ZNF787: variants seen among roughly 807,000 people sequenced by gnomAD.
ZNF787 encodes the protein TTF-I-interacting peptide 20.
Under a neutral mutation model 16.9 loss-of-function variants are expected in ZNF787, and 7 were observed. The ratio of observed to expected loss-of-function variants is 0.42; its 90% CI spans 0.24 to 0.78. The LOEUF (loss-of-function observed/expected upper bound fraction) is 0.78, where lower values mean the gene tolerates loss of function less well. ZNF787 is among the 30% of genes least tolerant of loss of function. The probability of loss-of-function intolerance (pLI) is 0.30; values close to 1 mark genes in which losing one functional copy is unlikely to be tolerated. For missense variants in ZNF787, 551 were observed against 589.3 expected (o/e 0.94, Z 0.67); for synonymous variants, 345 against 270.9 (o/e 1.27, Z -2.69).
At chr19:56,102,965 C>T (rs932360658) in intron 2 of ZNF787, 174 bp downstream of exon 2, 1 of 735,412 alleles carries the variant, frequency 1.4e-6, no homozygotes, top group Non-Finnish European at 2.4e-6. Flanking sequence ...ACTAGCCCTC[C>T]CTCTACAGCC....
At chr19:56,110,087 C>A (rs1164891174) in intron 1 of ZNF787, among the ~76,000 whole-genome samples, 2 of 152,144 alleles carry the variant, frequency 1.3e-5, no homozygotes, top group East Asian at 3.9e-4. Context: ...GTTGGCCGGG[C>A]ACGGTGGCTC....
At chr19:56,113,286 G>A (rs2123427407) in intron 1 of ZNF787, among the ~76,000 whole-genome samples, 1 of 152,228 alleles carries the variant, frequency 6.6e-6, no homozygotes, top group Non-Finnish European at 1.5e-5. Context: ...TGCTGGTGCG[G>A]GCGCCATAGG....
At chr19:56,112,878 T>TGGGGCCCCCC (rs2030021420) in intron 1 of ZNF787, among the ~76,000 whole-genome samples, 1 of 126,466 alleles carries the variant, frequency 7.9e-6, no homozygotes, top group Non-Finnish European at 1.6e-5. Flanking sequence ...GACCAGCCGT[T>TGGGGCCCCCC]CCCCCCACCC....
At position 56,103,177 on chromosome 19, in the gene ZNF787, T is replaced by C. The variant is rs1483382832; in HGVS notation, c.41A>G (p.Asp14Gly). Reference sequence around the variant, plus strand: ...ACTGGCCATCTGCTGGTCCTCAGAATCCAGCGGCCCCGGAGACCAGGCTTC... The same window carrying C: ...ACTGGCCATCTGCTGGTCCTCAGAACCCAGCGGCCCCGGAGACCAGGCTTC... ...REEAWSPGPL[D>G]SEDQQMASHE... Residue 14 changes from aspartate to glycine, a missense_variant, in exon 2 of 3, where the codon GAT becomes GGT. Physicochemically the swap from Asp to Gly is moderately conservative, Grantham distance 94. Around this residue, in one of 4 missense-constraint regions of ZNF787, gnomAD observed 80 missense variants for 105.9 expected, o/e 0.76. Coordinates refer to ENST00000610935, the MANE Select transcript of ZNF787 (RefSeq NM_001002836.4). The C allele has an allele frequency of 6.3e-7, 1 of 1,587,584 alleles. No homozygotes were observed. Among genetic ancestry groups the C allele is most frequent in the South Asian group, 1.1e-5 (1 of 87,292 alleles).
At chr19:56,120,565 C>T (rs1453937653) in intron 1 of ZNF787, among the ~76,000 whole-genome samples, 5 of 152,210 alleles carry the variant, frequency 3.3e-5, no homozygotes, top group Non-Finnish European at 7.3e-5. Flanking sequence ...AATTACCCGC[C>T]TGATCAAAGG....
At chr19:56,093,149 G>A (rs947721439) in intron 2 of ZNF787, among the ~76,000 whole-genome samples, 9 of 151,612 alleles carry the variant, frequency 5.9e-5, no homozygotes, top group Non-Finnish European at 7.4e-5. Context: ...AGGGGATGGC[G>A]GAACTGGGAT....
chr19:56,091,387 GAC>G (rs1285292141), intron 2 of ZNF787, among the ~76,000 whole-genome samples: 4 of 152,226 alleles, frequency 2.6e-5, no homozygotes, highest in Non-Finnish European at 5.9e-5. Flanking sequence ...CAAAACTTGT[GAC>G]ACAGTGGCAG....
In ZNF787 at chr19:56,088,014, GC is replaced by G; in HGVS notation, c.*8del. 6 of 1,001,628 alleles carry G rather than the reference GC, an allele frequency of 6.0e-6. No individual in the cohort carries two copies. The highest frequency in any genetic ancestry group is 1.0e-4 in the Admixed American group (1 of 9,702). The allele number at this position is 1,001,628 out of a possible 1,614,324, so 62.0% of individuals were successfully genotyped here. On this transcript the variant is annotated 3_prime_UTR_variant, in exon 3 of 3. Transcript: ENST00000610935. This position sits in a 1 kb window ranked among gnomAD's most constrained non-coding sequence, Gnocchi z 8.6. The stretch of plus-strand genomic sequence containing the variant: ...GGGCCCTGCCCGCCCCCCCCCCCGG[GC>G]CCCTCCCCTACCGGCCCTCCCCACC...
At chr19:56,107,832 T>C (rs559920201) in intron 1 of ZNF787, among the ~76,000 whole-genome samples, 21 of 139,306 alleles carry the variant, frequency 1.5e-4, no homozygotes, top group Non-Finnish European at 3.1e-4. Flanking sequence ...TGCTGGGGGC[T>C]GCGGGAGAGG....
chr19:56,091,981 G>A (rs55867521), intron 2 of ZNF787, among the ~76,000 whole-genome samples: 3,681 of 146,436 alleles, frequency 0.025, 217 homozygotes, highest in African/African-American at 0.092. Context: ...CAAAGCCGAA[G>A]GCGAAACCGA....
intron 1 of ZNF787, among the ~76,000 whole-genome samples, chr19:56,109,993 T>C (rs1221540276): frequency 6.6e-6 from 1 of 152,248 alleles, no homozygotes; most frequent in South Asian, 2.1e-4. Context: ...CAGCCTAATG[T>C]TCAGGAATTA....
chr19:56,106,130 C>T (rs887875454), intron 1 of ZNF787, among the ~76,000 whole-genome samples: 1 of 151,798 alleles, frequency 6.6e-6, no homozygotes, highest in African/African-American at 2.4e-5. Context: ...CGCATTCCCC[C>T]GCCGCGCCCT....
chr19:56,114,441 G>T (rs1373963898), intron 1 of ZNF787, among the ~76,000 whole-genome samples: 15 of 123,888 alleles, frequency 1.2e-4, no homozygotes, highest in Non-Finnish European at 1.8e-4. Context: ...GAGGGGCCGG[G>T]CTCAGTCCTC....
At chr19:56,095,235 C>T (rs974935024) in intron 2 of ZNF787, among the ~76,000 whole-genome samples, 1 of 152,172 alleles carries the variant, frequency 6.6e-6, no homozygotes, top group Non-Finnish European at 1.5e-5. Context: ...TGGTAATGCT[C>T]GCTCATGCGC....
intron 2 of ZNF787, among the ~76,000 whole-genome samples, chr19:56,091,702 C>G (rs889835945): frequency 6.6e-6 from 1 of 152,218 alleles, no homozygotes; most frequent in African/African-American, 2.4e-5. Flanking sequence ...ACGAGTTAAG[C>G]ACTGTTAAAT....
intron 1 of ZNF787, among the ~76,000 whole-genome samples, chr19:56,120,176 CCT>C (rs370464774): frequency 8.5e-4 from 130 of 152,334 alleles, no homozygotes; most frequent in East Asian, 8.1e-3. Context: ...CTCCCTGCTC[CCT>C]GTCTCTAGTG....
At chr19:56,109,660 G>A (rs1022327230) in intron 1 of ZNF787, among the ~76,000 whole-genome samples, 5 of 152,142 alleles carry the variant, frequency 3.3e-5, no homozygotes, top group Non-Finnish European at 4.4e-5. Flanking sequence ...CTGGGAGGCC[G>A]AGGCGGGTGG....
intron 2 of ZNF787, chr19:56,101,641 C>G (rs1481765406): frequency 1.3e-5 from 2 of 152,166 alleles, no homozygotes; most frequent in Non-Finnish European, 2.9e-5. Flanking sequence ...AGGGCTTTTT[C>G]TTTTTTTCAA....
chr19:56,107,516 T>C (rs1243916899), intron 1 of ZNF787, among the ~76,000 whole-genome samples: 5 of 132,214 alleles, frequency 3.8e-5, no homozygotes, highest in South Asian at 2.3e-4. Context: ...TGTGAGACAA[T>C]GGGGTCACTG....
Sources: allele counts gnomAD v4.1 joint callset (sites outside exome capture counted in the v4.1 genomes callset), GRCh38; gene constraint gnomAD v4.1.1; regional missense constraint gnomAD v4.1.1; non-coding constraint Gnocchi (gnomAD v3.1); transcripts MANE v1.5; gene names NCBI Gene and HGNC (gene_info 2026-07-23, HGNC 2026-07-21).